The following ARHGAP42 variants were observed in gnomAD, a reference collection of about 807,000 sequenced individuals.
ARHGAP42 encodes rho GTPase-activating protein 42.
In ARHGAP42, 63 loss-of-function variants were observed where a neutral mutation model predicts 125.0. That is an observed-to-expected ratio of 0.50 (90% CI 0.41 to 0.62). ARHGAP42 has a LOEUF of 0.62. Ranked by LOEUF, ARHGAP42 falls within the 20% of genes least tolerant of loss-of-function variation. The pLI is 0.00. For missense variants in ARHGAP42, 766 were observed against 1,024.2 expected, an observed-to-expected ratio of 0.75 and a Z score of 3.44; for synonymous variants, 339 against 351.0, an observed-to-expected ratio of 0.97 and a Z score of 0.38.
At chr11:100,806,596 T>TTAA (rs1555002554) in intron 3 of ARHGAP42, among the ~76,000 whole-genome samples, 1 of 151,304 alleles carries the variant, frequency 6.6e-6, no homozygotes, top group Admixed American at 6.6e-5. Flanking sequence ...CACCTGAAAT[T>TTAA]AAAAAAAATA....
At chr11:100,904,182 C>T (rs937150067) in intron 4 of ARHGAP42, among the ~76,000 whole-genome samples, 1 of 152,028 alleles carries the variant, frequency 6.6e-6, no homozygotes, top group Non-Finnish European at 1.5e-5. Context: ...TTTGCTTTCT[C>T]TCACAAGGTT....
At chr11:100,806,811 TA>T (rs1395908564) in intron 3 of ARHGAP42, among the ~76,000 whole-genome samples, 1 of 148,574 alleles carries the variant, frequency 6.7e-6, no homozygotes, top group Non-Finnish European at 1.5e-5. Context: ...AATTCATTTT[TA>T]AATTTTTTAT....
At chr11:100,799,194 T>C (rs614615) in intron 3 of ARHGAP42, among the ~76,000 whole-genome samples, 80,933 of 151,970 alleles carry the variant, frequency 0.53, 21,840 homozygotes, top group South Asian at 0.63. Context: ...ATTACTTTGG[T>C]AGCCATGTGA....
chr11:100,848,044 C>T (rs1047266161), intron 3 of ARHGAP42, among the ~76,000 whole-genome samples: 2 of 152,108 alleles, frequency 1.3e-5, no homozygotes, highest in Non-Finnish European at 2.9e-5. Flanking sequence ...TGAAAGGTCA[C>T]CTGAGTCAAA....
rs185427704 is a variant in ARHGAP42 at position 100,771,689 on chromosome 11, C to T, written c.250+1251C>T. ...TCTCGGCTCACTGCACCCTCCGCTT[C>T]CCATGTTCAAGCAATTCTCCTGCCT... On this transcript the variant is annotated intron_variant, in intron 2 of 23. Transcript: ENST00000298815. Among the ~76,000 whole-genome samples, 18 of 152,078 alleles carry T rather than the reference C, an allele frequency of 1.2e-4. No individual in the cohort carries two copies. In the East Asian group the frequency reaches 3.5e-3, roughly 29 times the overall value.
chr11:100,854,962 C>T lies in ARHGAP42; in HGVS notation c.313-4592C>T, dbSNP rs112429032. 6.1e-3 allele frequency among the ~76,000 whole-genome samples: 921 copies of T among 152,146 alleles called. 8 individuals are homozygous for T. Among genetic ancestry groups the T allele is most frequent in the Middle Eastern group, 0.024 (7 of 294 alleles). ...TTTACGTCGAAGACGGTGTAGATAG[C>T]TTCTGCATCGATTATGATCATTTCA... On this transcript the variant is annotated intron_variant, in intron 3 of 23. Coordinates refer to ENST00000298815, the MANE Select transcript of ARHGAP42 (RefSeq NM_152432.4).
At chr11:100,977,514 T>G (rs1219213238) in intron 21 of ARHGAP42, among the ~76,000 whole-genome samples, 1 of 152,132 alleles carries the variant, frequency 6.6e-6, no homozygotes, top group Non-Finnish European at 1.5e-5. Flanking sequence ...TAAAGGCTGG[T>G]AGGAGAAGGG....
At chr11:100,759,940 A>G (rs901137922) in intron 1 of ARHGAP42, among the ~76,000 whole-genome samples, 1 of 152,220 alleles carries the variant, frequency 6.6e-6, no homozygotes, top group African/African-American at 2.4e-5. Flanking sequence ...CACCCAACAT[A>G]TGGTATCTGT....
intron 4 of ARHGAP42, among the ~76,000 whole-genome samples, chr11:100,868,552 A>G (rs1865628564): frequency 6.6e-6 from 1 of 152,232 alleles, no homozygotes; most frequent in African/African-American, 2.4e-5. Context: ...AGTAAGGAGT[A>G]GAGTCAGATT....
rs183066464 is a variant in ARHGAP42, at chr11:100,872,181, C to T, written c.384+12556C>T. 5.6e-3 allele frequency among the ~76,000 whole-genome samples: 848 copies of T among 152,236 alleles called. 12 individuals carry two copies. Among genetic ancestry groups the T allele is most frequent in the African/African-American group, 0.019 (809 of 41,552 alleles). On this transcript the variant is annotated intron_variant, in intron 4 of 23. Transcript: ENST00000298815. Reference sequence around the variant, plus strand: ...GAAGCCCCCAAAGAGTATCTGGATACTATAGCATTTTTAAAAATAGTGTAT... The same window carrying T: ...GAAGCCCCCAAAGAGTATCTGGATATTATAGCATTTTTAAAAATAGTGTAT...
intron 3 of ARHGAP42, among the ~76,000 whole-genome samples, chr11:100,848,421 A>G (rs1865122506): frequency 1.3e-5 from 2 of 151,972 alleles, no homozygotes; most frequent in African/African-American, 2.4e-5. Flanking sequence ...TAACATGGAG[A>G]TAAGGAGAGT....
At chr11:100,906,033 C>G (rs1221432005) in intron 4 of ARHGAP42, among the ~76,000 whole-genome samples, 1 of 152,198 alleles carries the variant, frequency 6.6e-6, no homozygotes, top group African/African-American at 2.4e-5. Flanking sequence ...TCCTGTAACT[C>G]TCATCTTAGC....
At chr11:100,864,836 T>C (rs185899188) in intron 4 of ARHGAP42, among the ~76,000 whole-genome samples, 1 of 152,286 alleles carries the variant, frequency 6.6e-6, no homozygotes, top group African/African-American at 2.4e-5. Context: ...GAACCAAGCA[T>C]AGTTAATACG....
chr11:100,728,755 T>TATATATATATAC (rs1364139152), intron 1 of ARHGAP42, among the ~76,000 whole-genome samples: 30 of 108,726 alleles, frequency 2.8e-4, no homozygotes, highest in Non-Finnish European at 5.6e-4. Context: ...TATATATATA[T>TATATATATATAC]ATGCACACTT....
At chr11:100,758,141 A>G (rs114003121) in intron 1 of ARHGAP42, among the ~76,000 whole-genome samples, 95 of 152,348 alleles carry the variant, frequency 6.2e-4, no homozygotes, top group African/African-American at 2.1e-3. Flanking sequence ...CAACTTAAAC[A>G]TAGCCACTTA....
intron 2 of ARHGAP42, among the ~76,000 whole-genome samples, chr11:100,776,844 A>C (rs1411631102): frequency 6.6e-6 from 1 of 151,998 alleles, no homozygotes; most frequent in Non-Finnish European, 1.5e-5. Flanking sequence ...TGAGCTGGGC[A>C]TGATGGCACG....
intron 22 of ARHGAP42, chr11:100,986,367 G>A (rs1858678556): frequency 3.7e-6 from 1 of 271,714 alleles, no homozygotes; most frequent in African/African-American, 2.3e-5. Flanking sequence ...GAATGAATTT[G>A]GCATGTTTGA....
In ARHGAP42 at chr11:100,849,059, C is replaced by T. The variant is rs555491047; in HGVS notation, c.313-10495C>T. Among the ~76,000 whole-genome samples, 3 of 152,296 alleles carry T rather than the reference C, an allele frequency of 2.0e-5. No individual in the cohort carries two copies. In the South Asian group the frequency reaches 6.2e-4, roughly 32 times the overall value. ...CCAATTCTATGAACTGAAAGTAATT[C>T]AAGCCATGGCCTAAGGGTAAGACCA... On this transcript the variant is annotated intron_variant, in intron 3 of 23. Transcript: ENST00000298815.
chr11:100,763,810 G>A (rs1355813258), intron 1 of ARHGAP42, among the ~76,000 whole-genome samples: 1 of 152,138 alleles, frequency 6.6e-6, no homozygotes, highest in Non-Finnish European at 1.5e-5. Flanking sequence ...TTAACATGGT[G>A]TTTTATAATG....
Sources: allele counts gnomAD v4.1 joint callset (sites outside exome capture counted in the v4.1 genomes callset), GRCh38; gene constraint gnomAD v4.1.1; transcripts MANE v1.5; gene names NCBI Gene and HGNC (gene_info 2026-07-23, HGNC 2026-07-21).